KIF26B: variants seen among roughly 807,000 people sequenced by gnomAD.
The protein encoded by KIF26B is kinesin family member 26B, also known as kinesin-like protein KIF26B.
KIF26B carries 63 observed loss-of-function variants against 151.2 expected under a neutral mutation model. The observed-to-expected ratio is 0.42, with a 90% CI of 0.34 to 0.51. The LOEUF (loss-of-function observed/expected upper bound fraction) is 0.51, where lower values mean the gene tolerates loss of function less well. Among genes scored for constraint, KIF26B ranks in the 20% least tolerant of loss-of-function variants. The probability of loss-of-function intolerance (pLI) is 0.07; values close to 1 mark genes in which losing one functional copy is unlikely to be tolerated. For synonymous variants in KIF26B, 1,357 were observed against 1,262.1 expected, an observed-to-expected ratio of 1.08 and a Z score of -1.59; for missense variants, 2,813 against 2,913.6, an observed-to-expected ratio of 0.97 and a Z score of 0.79.
intron 2 of KIF26B, among the ~76,000 whole-genome samples, chr1:245,265,490 G>A (rs2102960122): frequency 6.6e-6 from 1 of 151,852 alleles, no homozygotes; most frequent in South Asian, 2.1e-4. Flanking sequence ...CAAAAAATTA[G>A]TTTGAAGTAG....
chr1:245,229,313 A>G (rs1669943136), intron 2 of KIF26B, among the ~76,000 whole-genome samples: 1 of 152,148 alleles, frequency 6.6e-6, no homozygotes, highest in Non-Finnish European at 1.5e-5. Context: ...ATATATTGTC[A>G]AATTCCCAAA....
chr1:245,464,624 G>T (rs1659734582), intron 4 of KIF26B, among the ~76,000 whole-genome samples: 1 of 149,462 alleles, frequency 6.7e-6, no homozygotes, highest in African/African-American at 2.5e-5. Context: ...GTGTGGGTGT[G>T]TGCATGTTTG....
rs10599314 is a variant in KIF26B, at chr1:245,590,914, G to GA, written c.1351-11646dup. Among the ~76,000 whole-genome samples, 276 of 91,338 alleles carry GA rather than the reference G, an allele frequency of 3.0e-3. 1 individual carries two copies. Among genetic ancestry groups the GA allele is most frequent in the East Asian group, 6.6e-3 (19 of 2,864 alleles). The allele number at this position is 91,338 out of a possible 152,430, so 59.9% of individuals were successfully genotyped here. A position where few individuals can be genotyped will look rare whatever the true frequency, so the allele number is the denominator to read the frequency against. On this transcript the variant is annotated intron_variant, in intron 5 of 14. Transcript: ENST00000407071. The stretch of plus-strand genomic sequence containing the variant: ...CAGTGAGATCCTGTCTCAAAAAAAA[G>GA]AAAAAAAAAAAAAAAAATTGGATGA...
chr1:245,611,480 A>C (rs2043520612), intron 8 of KIF26B, among the ~76,000 whole-genome samples: 1 of 152,214 alleles, frequency 6.6e-6, no homozygotes, highest in Admixed American at 6.5e-5. Flanking sequence ...CCCTCTGCAG[A>C]GATAAGGATG....
At chr1:245,522,179 T>A (rs1230245951) in intron 4 of KIF26B, among the ~76,000 whole-genome samples, 1 of 152,196 alleles carries the variant, frequency 6.6e-6, no homozygotes, top group Non-Finnish European at 1.5e-5. Context: ...TGGTCCATTT[T>A]TCATCTTGAC....
intron 2 of KIF26B, 89 bp from the exon 3 acceptor site, chr1:245,366,745 C>T (rs893702792): frequency 7.8e-6 from 10 of 1,282,752 alleles, no homozygotes; most frequent in South Asian, 5.6e-5. Context: ...GAGTACGTCT[C>T]GGGTTTGACT....
chr1:245,642,172 C>T (rs2103182107), intron 9 of KIF26B, among the ~76,000 whole-genome samples: 1 of 152,272 alleles, frequency 6.6e-6, no homozygotes. Context: ...TCCTAGTTTC[C>T]CAGACAAGTC....
Position 245,291,962 on chromosome 1 carries a change from G to T in KIF26B, c.466-74872G>T, listed in dbSNP as rs1324454397. Among the ~76,000 whole-genome samples the T allele has an allele frequency of 4.6e-5, 7 of 152,246 alleles. No individual in the cohort carries two copies. The East Asian group carries it at 1.4e-3, about 29-fold the overall frequency. ...TGCCAGACCGGGTCTCCTGGGGCTG[G>T]GTGAGCCAAGGCACTTTCCCAAGAG... On this transcript the variant is annotated intron_variant, in intron 2 of 14. Transcript: ENST00000407071.
At chr1:245,675,059 A>G (rs931997095) in intron 10 of KIF26B, among the ~76,000 whole-genome samples, 2 of 152,196 alleles carry the variant, frequency 1.3e-5, no homozygotes, top group African/African-American at 4.8e-5. Context: ...GCTACAATTT[A>G]TTATGTTGGA....
intron 5 of KIF26B, among the ~76,000 whole-genome samples, chr1:245,568,931 G>A (rs141101069): frequency 5.6e-4 from 85 of 152,304 alleles, no homozygotes; most frequent in African/African-American, 1.4e-3. Flanking sequence ...ATTAAATCCT[G>A]TGAATTTCCT....
chr1:245,582,460 CTTT>C (rs200219775), intron 5 of KIF26B, among the ~76,000 whole-genome samples: 1 of 147,976 alleles, frequency 6.8e-6, no homozygotes, highest in Admixed American at 6.7e-5. Flanking sequence ...ATAGCCTGTG[CTTT>C]TTTTTTTAAG....
chr1:245,660,791 C>T (rs1156447026), intron 10 of KIF26B, among the ~76,000 whole-genome samples: 1 of 152,128 alleles, frequency 6.6e-6, no homozygotes, highest in African/African-American at 2.4e-5. Flanking sequence ...CACTATCATT[C>T]ACTCAAAATA....
chr1:245,338,017 C>A (rs1672269183), intron 2 of KIF26B, among the ~76,000 whole-genome samples: 1 of 152,216 alleles, frequency 6.6e-6, no homozygotes, highest in Non-Finnish European at 1.5e-5. Context: ...AAAGCAGACA[C>A]AGAGTCTCTA....
chr1:245,326,844 A>G (rs1201481366), intron 2 of KIF26B, among the ~76,000 whole-genome samples: 1 of 152,244 alleles, frequency 6.6e-6, no homozygotes, highest in Admixed American at 6.5e-5. Flanking sequence ...TGTCCAAGTC[A>G]TCTGGCCAGT....
At chr1:245,555,643 C>T (rs1662004567) in intron 5 of KIF26B, among the ~76,000 whole-genome samples, 1 of 152,126 alleles carries the variant, frequency 6.6e-6, no homozygotes, top group Admixed American at 6.5e-5. Flanking sequence ...GACAGACAAA[C>T]GTCACCCCCT....
At chr1:245,391,348 T>C (rs1396427524) in intron 3 of KIF26B, among the ~76,000 whole-genome samples, 1 of 152,188 alleles carries the variant, frequency 6.6e-6, no homozygotes, top group Non-Finnish European at 1.5e-5. Flanking sequence ...CTAAGAACAG[T>C]GTACACAGTT....
chr1:245,465,707 AG>A (rs1398400181), intron 4 of KIF26B, among the ~76,000 whole-genome samples: 1 of 152,178 alleles, frequency 6.6e-6, no homozygotes, highest in Non-Finnish European at 1.5e-5. Context: ...TGTTTACAAA[AG>A]CTGTCGCAGG....
chr1:245,669,367 G>A (rs1367287370), intron 10 of KIF26B, among the ~76,000 whole-genome samples: 1 of 152,256 alleles, frequency 6.6e-6, no homozygotes, highest in East Asian at 1.9e-4. Flanking sequence ...AATCTTATAT[G>A]ACAAAGGACA....
intron 3 of KIF26B, among the ~76,000 whole-genome samples, chr1:245,368,377 C>T (rs769527688): frequency 1.1e-4 from 17 of 152,136 alleles, no homozygotes; most frequent in Non-Finnish European, 2.4e-4. Flanking sequence ...TCCATATCCC[C>T]TGCATCAGGG....
Sources: gnomAD v4.1 joint callset for allele counts (sites outside exome capture counted in the v4.1 genomes callset) on GRCh38, gnomAD v4.1.1 for gene constraint, MANE v1.5 for transcripts, NCBI Gene and HGNC (gene_info 2026-07-23, HGNC 2026-07-21) for gene names.